PCGF5: variants seen among roughly 807,000 people sequenced by gnomAD.
The protein encoded by PCGF5 is polycomb group ring finger 5.
A neutral mutation model predicts 44.3 loss-of-function variants in PCGF5; 9 were observed. That is an observed-to-expected ratio of 0.20 (90% CI 0.12 to 0.35). The LOEUF (loss-of-function observed/expected upper bound fraction) is 0.35. PCGF5 is among the 10% of genes least tolerant of loss of function. PCGF5 has a pLI of 1.00. For missense variants in PCGF5, 146 were observed against 305.3 expected (o/e 0.48, Z 3.89); for synonymous variants, 95 against 102.5 (o/e 0.93, Z 0.44).
chr10:91,264,156 G>A (rs1413841495), intron 7 of PCGF5, among the ~76,000 whole-genome samples: 2 of 152,056 alleles, frequency 1.3e-5, no homozygotes, highest in African/African-American at 2.4e-5. Context: ...ACTAAGAAAG[G>A]TTACATTGCA....
chr10:91,220,174 G>A (rs1430839510), upstream of PCGF5: 2 of 130,302 alleles, frequency 1.5e-5, no homozygotes, highest in Non-Finnish European at 3.1e-5. Flanking sequence ...TTTGCTTATA[G>A]TTGTCAACGA....
At chr10:91,246,271 A>G (rs978228815) in intron 3 of PCGF5, among the ~76,000 whole-genome samples, 4 of 152,178 alleles carry the variant, frequency 2.6e-5, no homozygotes, top group Non-Finnish European at 5.9e-5. Flanking sequence ...AGTCTGGGAA[A>G]ACTTTACGAA....
At chr10:91,263,195 C>G (rs1311598937) in intron 7 of PCGF5, among the ~76,000 whole-genome samples, 1 of 152,110 alleles carries the variant, frequency 6.6e-6, no homozygotes, top group African/African-American at 2.4e-5. Context: ...AACAGCATTG[C>G]TAACTGGGGC....
intron 1 of PCGF5, among the ~76,000 whole-genome samples, chr10:91,204,354 A>T (rs1844303856): frequency 6.6e-6 from 1 of 152,046 alleles, no homozygotes; most frequent in African/African-American, 2.4e-5. Context: ...CCCTTACATT[A>T]GTCTTTCCTC....
intron 1 of PCGF5, among the ~76,000 whole-genome samples, chr10:91,170,568 A>G (rs1843585736): frequency 6.6e-6 from 1 of 152,260 alleles, no homozygotes; most frequent in African/African-American, 2.4e-5. Context: ...ATATACCACT[A>G]TACACAATTG....
chr10:91,227,077 C>T (rs991431169), intron 2 of PCGF5, among the ~76,000 whole-genome samples: 3 of 152,000 alleles, frequency 2.0e-5, no homozygotes, highest in Non-Finnish European at 4.4e-5. Flanking sequence ...CATGTCTGCA[C>T]AAATAATTAT....
chr10:91,256,203 G>T (rs1247308643), intron 6 of PCGF5, among the ~76,000 whole-genome samples: 1 of 151,932 alleles, frequency 6.6e-6, no homozygotes, highest in African/African-American at 2.4e-5. Flanking sequence ...CTAAAACCAT[G>T]GTCTGGGCAC....
chr10:91,202,311 C>G (rs1224881288), intron 1 of PCGF5, among the ~76,000 whole-genome samples: 1 of 152,150 alleles, frequency 6.6e-6, no homozygotes, highest in African/African-American at 2.4e-5. Flanking sequence ...TTTGAATCCA[C>G]CACCGTTGTG....
chr10:91,201,954 G>T lies in PCGF5; in HGVS notation c.-183-20735G>T, dbSNP rs535073514. Among the ~76,000 whole-genome samples, 10 of 152,254 alleles carry T rather than the reference G, an allele frequency of 6.6e-5. No individual in the cohort carries two copies. The South Asian group carries it at 2.1e-3, about 32-fold the overall frequency. ...TGGCACTATGCTTTTGAAATTGTTA[G>T]AAGAAGCAGGGTGGCATCAAGGGAG... On this transcript the variant is annotated intron_variant, in intron 1 of 9. Transcript: ENST00000614189.
intron 1 of PCGF5, among the ~76,000 whole-genome samples, chr10:91,177,321 G>A (rs1210323300): frequency 1.3e-5 from 2 of 152,220 alleles, no homozygotes; most frequent in African/African-American, 2.4e-5. Flanking sequence ...CCCCTACTGG[G>A]GGATGCCTTC....
chr10:91,223,827 T>C (rs1844744596), intron 2 of PCGF5, among the ~76,000 whole-genome samples: 1 of 152,188 alleles, frequency 6.6e-6, no homozygotes. Context: ...GAGATTTATC[T>C]TCATTTTATG....
rs1233183081 is a variant in PCGF5 at position 91,282,755 on chromosome 10, G to A, written c.*4439G>A. ...GGATGCACACTCTATTACATACTCT[G>A]GTTTATCATAAGGAATTTTCCAGAA... On this transcript the variant is annotated 3_prime_UTR_variant, in exon 10 of 10. Coordinates refer to ENST00000336126, the MANE Select transcript of PCGF5 (RefSeq NM_032373.5). The A allele has an allele frequency of 1.3e-5, 2 of 152,354 alleles. No individual in the cohort carries two copies. Among genetic ancestry groups the A allele is most frequent in the Non-Finnish European group, 1.5e-5 (1 of 67,992 alleles). The allele number at this position is 152,354 out of a possible 1,614,324, so 9.4% of individuals were successfully genotyped here.
chr10:91,229,997 AAG>A (rs759836035), intron 2 of PCGF5, among the ~76,000 whole-genome samples: 29 of 152,166 alleles, frequency 1.9e-4, no homozygotes, highest in Admixed American at 5.9e-4. Context: ...TTAAATAAGA[AAG>A]AATAATTATA....
rs530719411 is a variant in PCGF5 at position 91,251,267 on chromosome 10, A to G, written c.326-25A>G. On this transcript the variant is annotated intron_variant, in intron 5 of 9. Transcript: ENST00000336126. ...TAAAATCAACTTTGATTTATAGCTA[A>G]CTTAGTTTTGTTTAAATTATACAGA... The G allele has an allele frequency of 4.5e-6, 7 of 1,567,740 alleles. No individual in the cohort carries two copies. The South Asian group carries it at 7.9e-5, about 18-fold the overall frequency.
At chr10:91,275,913 G>A (rs1293369841) in intron 9 of PCGF5, among the ~76,000 whole-genome samples, 1 of 152,066 alleles carries the variant, frequency 6.6e-6, no homozygotes, top group Non-Finnish European at 1.5e-5. Context: ...AGGAAAAAAG[G>A]ACTAAACTCA....
intron 3 of PCGF5, among the ~76,000 whole-genome samples, chr10:91,245,370 C>T (rs1265191063): frequency 6.6e-6 from 1 of 151,730 alleles, no homozygotes; most frequent in Non-Finnish European, 1.5e-5. Context: ...GCTGTGAGGC[C>T]AAAAACCTAA....
upstream of PCGF5, among the ~76,000 whole-genome samples, chr10:91,218,033 C>T (rs867752807): frequency 6.6e-5 from 10 of 152,146 alleles, no homozygotes; most frequent in African/African-American, 1.4e-4. Flanking sequence ...TTGATCTGCC[C>T]GCCTTGGCCT....
intron 1 of PCGF5, among the ~76,000 whole-genome samples, chr10:91,222,229 T>C (rs983726941): frequency 6.6e-6 from 1 of 152,138 alleles, no homozygotes; most frequent in Non-Finnish European, 1.5e-5. Flanking sequence ...AGAGGTGATA[T>C]ACAAGTAGAG....
At chr10:91,242,540 C>T (rs1845355915) in intron 3 of PCGF5, among the ~76,000 whole-genome samples, 2 of 152,218 alleles carry the variant, frequency 1.3e-5, no homozygotes, top group South Asian at 4.2e-4. Flanking sequence ...CTGAAGGAAT[C>T]CAGTCACTGT....
Sources: allele counts gnomAD v4.1 joint callset (sites outside exome capture counted in the v4.1 genomes callset), GRCh38; gene constraint gnomAD v4.1.1; transcripts MANE v1.5; gene names NCBI Gene and HGNC (gene_info 2026-07-23, HGNC 2026-07-21).